Variants in SMARCC1 observed in about 807,000 individuals in gnomAD.
SMARCC1 encodes SWI/SNF related BAF chromatin remodeling complex subunit C1.
In SMARCC1, 43 loss-of-function variants were observed where a neutral mutation model predicts 147.4. That is an observed-to-expected ratio of 0.29 (90% CI 0.23 to 0.38). SMARCC1 has a LOEUF of 0.38. Among genes scored for constraint, SMARCC1 ranks in the 10% least tolerant of loss-of-function variants. The pLI, the probability that SMARCC1 is intolerant of heterozygous loss-of-function variation, is 1.00. For synonymous variants in SMARCC1, 495 were observed against 484.4 expected (o/e 1.02, Z -0.29); for missense variants, 1,119 against 1,381.1 (o/e 0.81, Z 3.01).
rs541733005 is a variant in SMARCC1, at chr3:47,663,652, T to C, written c.1900-1060A>G. On this transcript the variant is annotated intron_variant, in intron 19 of 27. Coordinates refer to ENST00000254480, the MANE Select transcript of SMARCC1 (RefSeq NM_003074.4). ...GCCCTGTGATTCCAGAGGTCCCCTT[T>C]GAACCATCGAAGCCCCCAGTCATTG... The C allele has an allele frequency of 9.3e-6, 14 of 1,509,888 alleles. No homozygotes were observed. The African/African-American group carries it at 1.5e-4, about 16-fold the overall frequency. 93.5% of individuals were successfully genotyped at this position (1,509,888 alleles called of 1,614,324 possible).
intron 24 of SMARCC1, among the ~76,000 whole-genome samples, chr3:47,629,919 G>A (rs1290001586): frequency 6.6e-6 from 1 of 151,878 alleles, no homozygotes; most frequent in African/African-American, 2.4e-5. Flanking sequence ...AACTGTAACA[G>A]GAATATTGCT....
rs150105591 is a variant in SMARCC1, at chr3:47,728,951, C to A, written c.646+74G>T. On this transcript the variant is annotated intron_variant, in intron 6 of 27. Transcript: ENST00000254480. The stretch of plus-strand genomic sequence containing the variant: ...AAAAAGCTGGTTATTCTGTTTAAGT[C>A]TTTGGGGGTATGACATAAAATCCAT... 2.2e-4 allele frequency: 209 copies of A among 929,028 alleles called. No homozygotes were observed. In the African/African-American group the frequency reaches 3.1e-3, roughly 14 times the overall value. 57.5% of individuals were successfully genotyped at this position (929,028 alleles called of 1,614,324 possible).
intron 6 of SMARCC1, among the ~76,000 whole-genome samples, chr3:47,723,356 T>TA (rs1491343319): frequency 1.5e-5 from 1 of 67,060 alleles, no homozygotes; most frequent in East Asian, 4.7e-4. Flanking sequence ...TTTTGTTGGG[T>TA]TTTTTTTTTT....
chr3:47,780,747 G>C (rs1369112243), intron 1 of SMARCC1, among the ~76,000 whole-genome samples: 1 of 152,066 alleles, frequency 6.6e-6, no homozygotes, highest in East Asian at 1.9e-4. Context: ...GAAAACTTCA[G>C]AGGCTGGGGA....
chr3:47,661,282 G>A lies in SMARCC1; in HGVS notation c.2320+12C>T, dbSNP rs1392874183. The stretch of plus-strand genomic sequence containing the variant: ...ATATTAACCCTGTCCCTTAAAAGCA[G>A]CAGTGACTCACCAAGCTTCTCTGGC... On this transcript the variant is annotated intron_variant, in intron 21 of 27. Transcript: ENST00000254480. 1 of 1,599,022 alleles carries A rather than the reference G, an allele frequency of 6.3e-7. No individual in the cohort carries two copies. The highest frequency in any genetic ancestry group is 1.1e-5 in the South Asian group (1 of 88,278).
intron 17 of SMARCC1, among the ~76,000 whole-genome samples, chr3:47,676,296 GGAAGGGAAA>G (rs1241603136): frequency 6.6e-6 from 1 of 152,116 alleles, no homozygotes; most frequent in African/African-American, 2.4e-5. Flanking sequence ...ACAGATTGAA[GGAAGGGAAA>G]GAAGATTTTG....
intron 24 of SMARCC1, among the ~76,000 whole-genome samples, chr3:47,626,982 T>C (rs1480081142): frequency 1.3e-5 from 2 of 152,194 alleles, no homozygotes; most frequent in Non-Finnish European, 2.9e-5. Context: ...ATGAAGTTAA[T>C]ACTACTAAAT....
intron 10 of SMARCC1, 103 bp downstream of exon 10, chr3:47,706,306 A>C (rs1022985888): frequency 1.8e-6 from 2 of 1,093,540 alleles, no homozygotes; most frequent in Admixed American, 7.5e-5. Flanking sequence ...TACTGACCTC[A>C]GTTGATCTGC....
chr3:47,633,817 C>CACACACACACACATAT (rs1406763088), intron 24 of SMARCC1, among the ~76,000 whole-genome samples: 1 of 125,412 alleles, frequency 8.0e-6, no homozygotes, highest in Non-Finnish European at 1.7e-5. Context: ...CACACACACA[C>CACACACACACACATAT]ATATATATAA....
At chr3:47,693,702 G>A (rs952144778) in intron 11 of SMARCC1, among the ~76,000 whole-genome samples, 9 of 152,022 alleles carry the variant, frequency 5.9e-5, no homozygotes, top group East Asian at 1.9e-4. Context: ...TCAGTCTGTC[G>A]CCCAGACTTG....
chr3:47,771,938 T>C (rs1313159850), intron 2 of SMARCC1, among the ~76,000 whole-genome samples: 1 of 151,440 alleles, frequency 6.6e-6, no homozygotes, highest in Non-Finnish European at 1.5e-5. Context: ...AAAAATTAGC[T>C]GGGTGTGGTG....
chr3:47,762,561 C>T (rs917544950), intron 2 of SMARCC1, among the ~76,000 whole-genome samples: 21 of 152,220 alleles, frequency 1.4e-4, no homozygotes, highest in Admixed American at 5.2e-4. Flanking sequence ...GCTATGACAA[C>T]ATTTTATGCT....
In SMARCC1 at chr3:47,693,213, G is replaced by A. The variant is rs545958280; in HGVS notation, c.1225+28C>T. 24 of 1,287,676 alleles carry A rather than the reference G, an allele frequency of 1.9e-5. No homozygotes were observed. The African/African-American group carries it at 3.4e-4, about 18-fold the overall frequency. 79.8% of individuals were successfully genotyped at this position (1,287,676 alleles called of 1,614,324 possible). The stretch of plus-strand genomic sequence containing the variant: ...TGACATATTCAAGACAGAAAGCACA[G>A]ACCAGTGTATAGATTTTAGGTGCTT... On this transcript the variant is annotated intron_variant, in intron 12 of 27. Coordinates refer to ENST00000254480, the MANE Select transcript of SMARCC1 (RefSeq NM_003074.4).
At chr3:47,678,077 G>A (rs1420091247) in intron 16 of SMARCC1, 121 bp downstream of exon 16, 2 of 470,834 alleles carry the variant, frequency 4.2e-6, no homozygotes, top group Non-Finnish European at 7.8e-6. Flanking sequence ...CCCCTAAATG[G>A]CATAACTAAA....
At chr3:47,710,108 G>A (rs570727969) in intron 9 of SMARCC1, among the ~76,000 whole-genome samples, 1 of 152,144 alleles carries the variant, frequency 6.6e-6, no homozygotes, top group East Asian at 1.9e-4. Context: ...CCTGAGGTCA[G>A]GAGTTCGAGA....
chr3:47,676,238 A>T lies in SMARCC1; in HGVS notation c.1725+391T>A, dbSNP rs1386486364. Among the ~76,000 whole-genome samples the T allele has an allele frequency of 2.0e-5, 3 of 152,212 alleles. No individual in the cohort carries two copies. In the East Asian group the frequency reaches 5.8e-4, roughly 29 times the overall value. On this transcript the variant is annotated intron_variant, in intron 17 of 27. Transcript: ENST00000254480. ...TGTATATATGGATATACACTTTACA[A>T]ATCTTAGGACAAGTTATAAAGATTT... is the stretch of plus-strand genomic sequence containing the variant.
At chr3:47,700,814 CA>C (rs1273141008) in intron 11 of SMARCC1, among the ~76,000 whole-genome samples, 6 of 152,176 alleles carry the variant, frequency 3.9e-5, no homozygotes, top group African/African-American at 1.4e-4. Context: ...TATAAGCCAC[CA>C]TGCCCAGCCC....
chr3:47,755,550 A>AG (rs1472014046), intron 2 of SMARCC1, among the ~76,000 whole-genome samples: 1 of 149,972 alleles, frequency 6.7e-6, no homozygotes, highest in East Asian at 2.0e-4. Flanking sequence ...AAAAAAAAAA[A>AG]GAATTATAAG....
At chr3:47,679,824 T>C (rs2033619128) in intron 15 of SMARCC1, among the ~76,000 whole-genome samples, 1 of 138,312 alleles carries the variant, frequency 7.2e-6, no homozygotes, top group African/African-American at 2.7e-5. Context: ...ATTGCAACAC[T>C]GCACTCCAGT....
Sources: gnomAD v4.1 joint callset for allele counts (sites outside exome capture counted in the v4.1 genomes callset) on GRCh38, gnomAD v4.1.1 for gene constraint, MANE v1.5 for transcripts, NCBI Gene and HGNC (gene_info 2026-07-23, HGNC 2026-07-21) for gene names.